PCDH15: variants seen among roughly 807,000 people sequenced by gnomAD.
The protein encoded by PCDH15 is protocadherin related 15, also known as protocadherin-15.
Under a neutral mutation model 178.5 loss-of-function variants are expected in PCDH15, and 129 were observed. The ratio of observed to expected loss-of-function variants is 0.72; its 90% CI spans 0.63 to 0.84. The LOEUF (loss-of-function observed/expected upper bound fraction) is 0.84, where lower values mean the gene tolerates loss of function less well. Ranked by LOEUF, PCDH15 falls within the 40% of genes least tolerant of loss-of-function variation. The probability of loss-of-function intolerance (pLI) is 0.00; values close to 1 mark genes in which losing one functional copy is unlikely to be tolerated. For synonymous variants in PCDH15, 800 were observed against 732.0 expected (o/e 1.09, Z -1.50); for missense variants, 2,230 against 2,099.9 (o/e 1.06, Z -1.21).
chr10:54,673,600 G>A (rs1171409584), intron 1 of PCDH15, among the ~76,000 whole-genome samples: 2 of 151,816 alleles, frequency 1.3e-5, no homozygotes, highest in Non-Finnish European at 2.9e-5. Context: ...CACCACGCAC[G>A]GCTAATTTTG....
intron 1 of PCDH15, among the ~76,000 whole-genome samples, chr10:54,798,273 A>G (rs1224395397): frequency 6.6e-6 from 1 of 151,952 alleles, no homozygotes; most frequent in Non-Finnish European, 1.5e-5. Context: ...ACTCAGTCAT[A>G]TTTGAGTCTG....
chr10:55,147,917 T>C (rs1308381811), intron 2 of PCDH15, among the ~76,000 whole-genome samples: 2 of 151,824 alleles, frequency 1.3e-5, no homozygotes, highest in East Asian at 3.9e-4. Context: ...GATTTTCATA[T>C]TTCATTTGCT....
At chr10:54,063,613 A>G (rs1007391533) in intron 18 of PCDH15, among the ~76,000 whole-genome samples, 10 of 151,824 alleles carry the variant, frequency 6.6e-5, no homozygotes, top group African/African-American at 9.7e-5. Context: ...CCTTTGCCCA[A>G]GTTTTGCTCG....
intron 2 of PCDH15, among the ~76,000 whole-genome samples, chr10:54,632,790 T>C (rs1020694924): frequency 6.6e-6 from 1 of 152,032 alleles, no homozygotes; most frequent in African/African-American, 2.4e-5. Context: ...TCTAAAATTC[T>C]CAAACGCTAA....
chr10:55,536,844 CTTCT>C (rs1174915435), intron 2 of PCDH15, among the ~76,000 whole-genome samples: 1 of 152,094 alleles, frequency 6.6e-6, no homozygotes, highest in Non-Finnish European at 1.5e-5. Context: ...ATAGCTGCAA[CTTCT>C]ATCTGCATAT....
At position 54,779,503 on chromosome 10, in the gene PCDH15, C is replaced by T. The variant is rs1457478274; in HGVS notation, c.-29+21422G>A. On this transcript the variant is annotated intron_variant, in intron 1 of 37. Transcript: ENST00000644397. ...ACATATATATGTATATATATACACA[C>T]ATATATGTGTGTATATATATATACA... 3.6e-5 allele frequency among the ~76,000 whole-genome samples: 5 copies of T among 139,522 alleles called. 1 individual carries two copies. Among genetic ancestry groups the T allele is most frequent in the East Asian group, 4.2e-4 (2 of 4,732 alleles). The allele number at this position is 139,522 out of a possible 152,430, so 91.5% of individuals were successfully genotyped here.
chr10:53,971,991 C>T (rs927417970), intron 21 of PCDH15, among the ~76,000 whole-genome samples: 6 of 151,976 alleles, frequency 3.9e-5, no homozygotes, highest in African/African-American at 1.5e-4. Flanking sequence ...CAATCCTAAG[C>T]CAAAAGAACA....
In PCDH15 at chr10:54,826,293, T is replaced by G. The variant is rs140535613; in HGVS notation, c.-29+71157A>C. 3.7e-3 allele frequency among the ~76,000 whole-genome samples: 559 copies of G among 152,162 alleles called. 1 individual carries two copies. Among genetic ancestry groups the G allele is most frequent in the African/African-American group, 0.013 (537 of 41,544 alleles). On this transcript the variant is annotated intron_variant, in intron 3 of 5. Transcript: ENST00000458638. Reference sequence around the variant, plus strand: ...TCTGGAAATTTTCAATCAGCTATATTGCTTTGTGGAAATTCTTCCTGACAT... The same window carrying G: ...TCTGGAAATTTTCAATCAGCTATATGGCTTTGTGGAAATTCTTCCTGACAT...
chr10:55,056,250 A>G (rs1841299409), intron 2 of PCDH15, among the ~76,000 whole-genome samples: 2 of 152,186 alleles, frequency 1.3e-5, no homozygotes, highest in South Asian at 4.1e-4. Flanking sequence ...ATTAAAGCCA[A>G]TTAATATTAA....
chr10:53,900,239 CT>C (rs1188495037), intron 26 of PCDH15, among the ~76,000 whole-genome samples: 14 of 151,062 alleles, frequency 9.3e-5, no homozygotes, highest in South Asian at 2.1e-4. Flanking sequence ...CTCTCCCCCC[CT>C]CTCTCTGTCT....
intron 2 of PCDH15, among the ~76,000 whole-genome samples, chr10:55,463,396 T>C (rs1839722245): frequency 6.6e-6 from 1 of 152,090 alleles, no homozygotes; most frequent in South Asian, 2.1e-4. Flanking sequence ...TTTGTAATCC[T>C]GGCATTTTGA....
chr10:55,572,392 T>C (rs899424073), intron 2 of PCDH15, among the ~76,000 whole-genome samples: 4 of 151,324 alleles, frequency 2.6e-5, no homozygotes, highest in Non-Finnish European at 5.9e-5. Flanking sequence ...ATTTAGAAAA[T>C]AGGACTTTAT....
chr10:55,200,700 G>T (rs1840220305), intron 1 of PCDH15, among the ~76,000 whole-genome samples: 1 of 152,066 alleles, frequency 6.6e-6, no homozygotes, highest in African/African-American at 2.4e-5. Flanking sequence ...TTGAAGGAAA[G>T]ACCTGGTGGG....
At chr10:54,149,395 A>C (rs1290008324) in intron 14 of PCDH15, among the ~76,000 whole-genome samples, 1 of 152,144 alleles carries the variant, frequency 6.6e-6, no homozygotes, top group African/African-American at 2.4e-5. Context: ...CCTATCACAG[A>C]CACCTGAAGG....
At chr10:54,302,830 G>A (rs2060222219) in intron 8 of PCDH15, among the ~76,000 whole-genome samples, 1 of 151,960 alleles carries the variant, frequency 6.6e-6, no homozygotes, top group East Asian at 1.9e-4. Context: ...ATTTCAAAAT[G>A]CATTCCATCT....
intron 2 of PCDH15, among the ~76,000 whole-genome samples, chr10:54,987,398 G>A (rs922169778): frequency 2.0e-5 from 3 of 152,164 alleles, no homozygotes; most frequent in African/African-American, 7.2e-5. Flanking sequence ...GGATTGCTGG[G>A]TCAAATGGTA....
intron 1 of PCDH15, among the ~76,000 whole-genome samples, chr10:55,283,770 G>C (rs1049753604): frequency 1.3e-5 from 2 of 151,758 alleles, no homozygotes; most frequent in African/African-American, 2.4e-5. Context: ...ACTAGGTTAT[G>C]TTTGCCTTCT....
At chr10:55,303,322 C>T (rs1843336898) in intron 1 of PCDH15, among the ~76,000 whole-genome samples, 1 of 152,126 alleles carries the variant, frequency 6.6e-6, no homozygotes, top group African/African-American at 2.4e-5. Context: ...TGTTAGTAGT[C>T]TTGCTTGAAT....
intron 2 of PCDH15, among the ~76,000 whole-genome samples, chr10:54,956,773 C>A (rs564544997): frequency 3.8e-4 from 58 of 151,572 alleles, no homozygotes; most frequent in African/African-American, 1.2e-3. Context: ...TTTGGTGGGA[C>A]AAAAATAGTT....
Sources: gnomAD v4.1 joint callset for allele counts (sites outside exome capture counted in the v4.1 genomes callset) on GRCh38, gnomAD v4.1.1 for gene constraint, MANE v1.5 for transcripts, NCBI Gene and HGNC (gene_info 2026-07-23, HGNC 2026-07-21) for gene names.